ORC5: variants seen among roughly 807,000 people sequenced by gnomAD.
ORC5 encodes the protein protein phosphatase 1, regulatory subunit 117.
Under a neutral mutation model 58.8 loss-of-function variants are expected in ORC5, and 39 were observed. The ratio of observed to expected loss-of-function variants is 0.66; its 90% CI spans 0.51 to 0.87. The LOEUF is 0.87. Ranked by LOEUF, ORC5 falls within the 40% of genes least tolerant of loss-of-function variation. The pLI is 0.00. For synonymous variants in ORC5, 218 were observed against 177.6 expected (o/e 1.23, Z -1.81); for missense variants, 493 against 506.3 (o/e 0.97, Z 0.25).
rs1265780786 is a variant in ORC5 at position 104,133,310 on chromosome 7, A to G, written c.1262+3471T>C. 6.6e-6 allele frequency among the ~76,000 whole-genome samples: 1 copy of G among 152,184 alleles called. No homozygotes were observed. The highest frequency in any genetic ancestry group is 2.4e-5 in the African/African-American group (1 of 41,416). On this transcript the variant is annotated intron_variant, in intron 13 of 13. Coordinates refer to ENST00000297431, the MANE Select transcript of ORC5 (RefSeq NM_002553.4). This position sits in a 1 kb window ranked among gnomAD's most constrained non-coding sequence, Gnocchi z 4.7. ...GATCTAGAGTGGTAAAAGTATCATG[A>G]TAACAAGTGAATGAAATTGAGACAA...
At chr7:104,198,705 G>A (rs554223652) in intron 3 of ORC5, among the ~76,000 whole-genome samples, 8 of 152,332 alleles carry the variant, frequency 5.3e-5, no homozygotes, top group Middle Eastern at 3.4e-3. Flanking sequence ...CATTTTCTGG[G>A]GAGAAATTCA....
At chr7:104,190,007 T>C (rs1296846368) in intron 5 of ORC5, among the ~76,000 whole-genome samples, 1 of 152,146 alleles carries the variant, frequency 6.6e-6, no homozygotes, top group Non-Finnish European at 1.5e-5. Flanking sequence ...CAGAAGTGAA[T>C]TGAATTTTAG....
intron 8 of ORC5, among the ~76,000 whole-genome samples, chr7:104,172,125 G>A (rs17159768): frequency 0.046 from 6,954 of 152,236 alleles, 523 homozygotes; most frequent in African/African-American, 0.16. Flanking sequence ...TTCACTACTG[G>A]TATATAAAAT....
chr7:104,172,912 C>T (rs140470953), intron 8 of ORC5, among the ~76,000 whole-genome samples: 65 of 150,876 alleles, frequency 4.3e-4, no homozygotes, highest in African/African-American at 1.5e-3. Flanking sequence ...ATCAAATTTT[C>T]ATTATATCAT....
intron 11 of ORC5, among the ~76,000 whole-genome samples, chr7:104,161,424 A>G (rs1432047702): frequency 6.6e-6 from 1 of 152,172 alleles, no homozygotes; most frequent in Non-Finnish European, 1.5e-5. Context: ...ATGCAGTGGC[A>G]GCGCAATCAT....
chr7:104,150,795 C>T (rs1798831063), intron 12 of ORC5, among the ~76,000 whole-genome samples: 1 of 152,138 alleles, frequency 6.6e-6, no homozygotes, highest in Non-Finnish European at 1.5e-5. Flanking sequence ...CAAAAATGAA[C>T]AGACAACGTC....
chr7:104,153,978 T>G (rs1798884733), intron 12 of ORC5, among the ~76,000 whole-genome samples: 1 of 152,132 alleles, frequency 6.6e-6, no homozygotes, highest in Non-Finnish European at 1.5e-5. Flanking sequence ...TAAAGAAATT[T>G]TATCATAAAG....
intron 2 of ORC5, 57 bp from the exon 3 acceptor site, chr7:104,201,015 T>C: frequency 1.4e-6 from 2 of 1,408,014 alleles, no homozygotes; most frequent in Non-Finnish European, 2.0e-6. Context: ...AACACAATAA[T>C]GGCTGTGCTG....
At chr7:104,190,560 T>TA (rs3840637) in intron 5 of ORC5, among the ~76,000 whole-genome samples, 56,944 of 151,806 alleles carry the variant, frequency 0.38, 12,734 homozygotes, top group Non-Finnish European at 0.51. Context: ...GAAATAATCA[T>TA]ATTTTAGAAA....
rs192684792 is a variant in ORC5 at position 104,182,771 on chromosome 7, T to G, written c.824+1172A>C. Among the ~76,000 whole-genome samples, 216 of 152,270 alleles carry G rather than the reference T, an allele frequency of 1.4e-3. 1 individual carries two copies. Among genetic ancestry groups the G allele is most frequent in the African/African-American group, 4.9e-3 (204 of 41,556 alleles). On this transcript the variant is annotated intron_variant, in intron 8 of 13. Coordinates refer to ENST00000297431, the MANE Select transcript of ORC5 (RefSeq NM_002553.4). ...CACAGTTCAAAAGCACTATACAAACTGAGATTGTCATATTACTATACATTT... is the reference window on the plus strand; with the variant it reads ...CACAGTTCAAAAGCACTATACAAACGGAGATTGTCATATTACTATACATTT...
chr7:104,172,513 T>C (rs17159771), intron 8 of ORC5, among the ~76,000 whole-genome samples: 1 of 152,090 alleles, frequency 6.6e-6, no homozygotes, highest in Non-Finnish European at 1.5e-5. Context: ...TATTAAGGAA[T>C]AGTTAGTGAT....
intron 12 of ORC5, among the ~76,000 whole-genome samples, chr7:104,155,524 C>T (rs1002634438): frequency 2.0e-5 from 3 of 151,140 alleles, no homozygotes; most frequent in Non-Finnish European, 4.4e-5. Context: ...TAAAATAAAA[C>T]CTTTTAAATG....
At chr7:104,194,029 A>G (rs1376302125) in intron 5 of ORC5, among the ~76,000 whole-genome samples, 1 of 151,516 alleles carries the variant, frequency 6.6e-6, no homozygotes, top group East Asian at 1.9e-4. Context: ...TAAATTCTAA[A>G]TAATTTTTCA....
At chr7:104,144,618 G>A (rs1028871130) in intron 12 of ORC5, among the ~76,000 whole-genome samples, 8 of 152,096 alleles carry the variant, frequency 5.3e-5, no homozygotes, top group East Asian at 3.9e-4. Context: ...TTAGCCGGTC[G>A]TGATGGCATG....
chr7:104,158,664 GA>G (rs1798970781), intron 12 of ORC5, among the ~76,000 whole-genome samples: 1 of 151,496 alleles, frequency 6.6e-6, no homozygotes, highest in Admixed American at 6.6e-5. Flanking sequence ...AAAAGTGGGC[GA>G]AGGATATGAA....
intron 12 of ORC5, among the ~76,000 whole-genome samples, chr7:104,147,775 G>A (rs1344753709): frequency 6.6e-6 from 1 of 152,168 alleles, no homozygotes; most frequent in African/African-American, 2.4e-5. Context: ...TAAGAATACT[G>A]AACATATTAA....
chr7:104,204,719 A>G (rs957079621), intron 1 of ORC5, among the ~76,000 whole-genome samples: 10 of 152,240 alleles, frequency 6.6e-5, no homozygotes. Flanking sequence ...AAACTTATAG[A>G]CTACTTCTGA....
intron 8 of ORC5, among the ~76,000 whole-genome samples, chr7:104,177,967 T>C (rs1446091386): frequency 6.6e-6 from 1 of 152,218 alleles, no homozygotes; most frequent in Non-Finnish European, 1.5e-5. Flanking sequence ...ATCCAGTCTA[T>C]CATTGATGGG....
intron 13 of ORC5, among the ~76,000 whole-genome samples, chr7:104,128,628 C>T (rs1164580907): frequency 6.7e-6 from 1 of 150,016 alleles, no homozygotes; most frequent in Non-Finnish European, 1.5e-5. Context: ...CACCCATTAA[C>T]TCGTCATTTA....
Sources: allele counts gnomAD v4.1 joint callset (sites outside exome capture counted in the v4.1 genomes callset), GRCh38; gene constraint gnomAD v4.1.1; non-coding constraint Gnocchi (gnomAD v3.1); transcripts MANE v1.5; gene names NCBI Gene and HGNC (gene_info 2026-07-23, HGNC 2026-07-21).